Variants in NXPH2 observed in about 807,000 individuals in gnomAD.
The protein encoded by NXPH2 is neurexophilin-2.
Under a neutral mutation model 19.8 loss-of-function variants are expected in NXPH2, and 5 were observed. That is an observed-to-expected ratio of 0.25 (90% confidence interval 0.13 to 0.53). The LOEUF is 0.53. Among genes scored for constraint, NXPH2 ranks in the 20% least tolerant of loss-of-function variants. The probability of loss-of-function intolerance (pLI) is 0.96; values close to 1 mark genes in which losing one functional copy is unlikely to be tolerated. For synonymous variants in NXPH2, 154 were observed against 127.4 expected, an observed-to-expected ratio of 1.21 and a Z score of -1.41; for missense variants, 289 against 322.8, an observed-to-expected ratio of 0.90 and a Z score of 0.80.
chr2:138,673,742 T>G (rs1680446047), intron 1 of NXPH2, among the ~76,000 whole-genome samples: 1 of 151,744 alleles, frequency 6.6e-6, no homozygotes. Context: ...CCTCCCTAAG[T>G]GTTGGGATTA....
At chr2:138,718,994 A>G (rs927361606) in intron 1 of NXPH2, among the ~76,000 whole-genome samples, 4 of 152,310 alleles carry the variant, frequency 2.6e-5, no homozygotes, top group Admixed American at 2.6e-4. Flanking sequence ...AATGTAATGT[A>G]AATTGTAATG....
intron 1 of NXPH2, among the ~76,000 whole-genome samples, chr2:138,756,905 T>A (rs150456362): frequency 8.5e-4 from 129 of 152,326 alleles, no homozygotes; most frequent in African/African-American, 3.0e-3. Context: ...AGTGGGTATG[T>A]GACTTACTCA....
At chr2:138,727,960 T>A (rs1223974693) in intron 1 of NXPH2, among the ~76,000 whole-genome samples, 1 of 152,172 alleles carries the variant, frequency 6.6e-6, no homozygotes, top group Non-Finnish European at 1.5e-5. Context: ...AGGGTACCAA[T>A]CCTGGCTCCA....
chr2:138,753,199 T>C (rs973607478), intron 1 of NXPH2, among the ~76,000 whole-genome samples: 1 of 152,214 alleles, frequency 6.6e-6, no homozygotes, highest in Non-Finnish European at 1.5e-5. Context: ...TAAGGATAAA[T>C]GGTTATTGAT....
chr2:138,673,956 T>C (rs1204361220), intron 1 of NXPH2, among the ~76,000 whole-genome samples: 1 of 152,100 alleles, frequency 6.6e-6, no homozygotes, highest in Non-Finnish European at 1.5e-5. Flanking sequence ...CTTATTTCAC[T>C]TAACATAATG....
chr2:138,748,678 A>T (rs1002820007), intron 1 of NXPH2, among the ~76,000 whole-genome samples: 1 of 152,136 alleles, frequency 6.6e-6, no homozygotes, highest in Non-Finnish European at 1.5e-5. Context: ...TTATTACAGA[A>T]AGAAGAAATT....
chr2:138,722,920 T>A (rs1353977771), intron 1 of NXPH2, among the ~76,000 whole-genome samples: 2 of 152,214 alleles, frequency 1.3e-5, no homozygotes, highest in Non-Finnish European at 2.9e-5. Flanking sequence ...ATATGCAAAA[T>A]CTGGTCAAGA....
rs1680406227 is a variant in NXPH2 at position 138,671,118 on chromosome 2, G to A, written c.599C>T (p.Thr200Ile). 6.2e-7 allele frequency: 1 copy of A among 1,613,922 alleles called. No individual in the cohort carries two copies. Among genetic ancestry groups the A allele is most frequent in the Non-Finnish European group, 8.5e-7 (1 of 1,179,868 alleles). ...EYEKTDRAKK[T>I]ALCNFDPSKI... Reference sequence around the variant, plus strand: ...GGATGGGTCAAAGTTGCACAGGGCGGTCTTTTTCGCCCGATCTGTTTTTTC... The same window carrying A: ...GGATGGGTCAAAGTTGCACAGGGCGATCTTTTTCGCCCGATCTGTTTTTTC... The change falls in exon 2 of 2, where the codon ACC becomes ATC. Residue 200 changes from threonine to isoleucine, a missense_variant. By Grantham distance (89) the Thr-to-Ile change is moderately conservative. Transcript: ENST00000272641.
chr2:138,716,977 A>C (rs979611811), intron 1 of NXPH2, among the ~76,000 whole-genome samples: 1 of 152,212 alleles, frequency 6.6e-6, no homozygotes, highest in Non-Finnish European at 1.5e-5. Flanking sequence ...ATAACTGCAC[A>C]TGTTTGAAAT....
chr2:138,686,952 T>C (rs1275684110), intron 1 of NXPH2, among the ~76,000 whole-genome samples: 8 of 152,176 alleles, frequency 5.3e-5, no homozygotes, highest in Non-Finnish European at 1.2e-4. Flanking sequence ...CAGTCTATCA[T>C]TGATGGACAT....
intron 1 of NXPH2, among the ~76,000 whole-genome samples, chr2:138,697,576 A>T (rs1426312367): frequency 6.6e-6 from 1 of 151,972 alleles, no homozygotes; most frequent in Non-Finnish European, 1.5e-5. Context: ...TTATATACAG[A>T]TTTAAAATTA....
At chr2:138,769,000 C>T (rs1277898431) in intron 1 of NXPH2, among the ~76,000 whole-genome samples, 16 of 152,106 alleles carry the variant, frequency 1.1e-4, no homozygotes, top group Non-Finnish European at 1.6e-4. Context: ...CAGGCCCCGT[C>T]GCAGTTAAGA....
intron 1 of NXPH2, among the ~76,000 whole-genome samples, chr2:138,714,621 T>A (rs1440762783): frequency 3.9e-5 from 6 of 152,004 alleles, no homozygotes; most frequent in African/African-American, 1.5e-4. Context: ...CTTCTATTAC[T>A]GGTCTGATAA....
At chr2:138,748,387 A>G (rs1168303338) in intron 1 of NXPH2, among the ~76,000 whole-genome samples, 2 of 152,204 alleles carry the variant, frequency 1.3e-5, no homozygotes, top group African/African-American at 4.8e-5. Flanking sequence ...CAGCATTGCA[A>G]TGAGGCATCC....
intron 1 of NXPH2, among the ~76,000 whole-genome samples, chr2:138,737,730 T>C (rs1289174022): frequency 6.6e-6 from 1 of 152,162 alleles, no homozygotes; most frequent in African/African-American, 2.4e-5. Flanking sequence ...AAATGGCCAA[T>C]ATCCTCATCA....
At chr2:138,747,932 C>T (rs961097779) in intron 1 of NXPH2, among the ~76,000 whole-genome samples, 2 of 152,206 alleles carry the variant, frequency 1.3e-5, no homozygotes, top group Non-Finnish European at 2.9e-5. Context: ...TCCCTAGAGG[C>T]TCTCACCTTC....
intron 1 of NXPH2, among the ~76,000 whole-genome samples, chr2:138,723,971 T>C (rs912059274): frequency 2.7e-5 from 4 of 150,224 alleles, no homozygotes; most frequent in Non-Finnish European, 5.9e-5. Flanking sequence ...CAGAGGTACA[T>C]GTGCAGGTTT....
intron 1 of NXPH2, among the ~76,000 whole-genome samples, chr2:138,711,844 G>A (rs887773643): frequency 6.6e-6 from 1 of 152,146 alleles, no homozygotes; most frequent in Non-Finnish European, 1.5e-5. Flanking sequence ...TTTTGTTTAA[G>A]GATAGTGTTT....
At chr2:138,691,543 T>C (rs1680746930) in intron 1 of NXPH2, among the ~76,000 whole-genome samples, 1 of 152,236 alleles carries the variant, frequency 6.6e-6, no homozygotes, top group Admixed American at 6.5e-5. Context: ...GCCTCTTTCC[T>C]AATCTCCCTT....
Sources: allele counts gnomAD v4.1 joint callset (sites outside exome capture counted in the v4.1 genomes callset), GRCh38; gene constraint gnomAD v4.1.1; transcripts MANE v1.5; gene names NCBI Gene and HGNC (gene_info 2026-07-23, HGNC 2026-07-21).